SLC8A1: variants seen among roughly 807,000 people sequenced by gnomAD.
SLC8A1 encodes the protein sodium/calcium exchanger 1.
Under a neutral mutation model 68.3 loss-of-function variants are expected in SLC8A1, and 18 were observed. The ratio of observed to expected loss-of-function variants is 0.26; its 90% confidence interval spans 0.18 to 0.39. SLC8A1 has a LOEUF of 0.39. Among genes scored for constraint, SLC8A1 ranks in the 10% least tolerant of loss-of-function variants. SLC8A1 has a pLI of 1.00. For missense variants in SLC8A1, 985 were observed against 1,156.7 expected (o/e 0.85, Z 2.15); for synonymous variants, 475 against 415.5 (o/e 1.14, Z -1.74).
At chr2:40,375,261 T>C (rs1288133030) in intron 2 of SLC8A1, among the ~76,000 whole-genome samples, 1 of 152,108 alleles carries the variant, frequency 6.6e-6, no homozygotes, top group African/African-American at 2.4e-5. Context: ...CAGATATTAG[T>C]ACCTTTGGCT....
intron 2 of SLC8A1, among the ~76,000 whole-genome samples, chr2:40,274,884 C>T (rs887655051): frequency 6.6e-6 from 1 of 152,110 alleles, no homozygotes; most frequent in African/African-American, 2.4e-5. Flanking sequence ...TCGTGTATCA[C>T]TCATGTTGTT....
chr2:40,439,279 G>C (rs910065558), intron 1 of SLC8A1, among the ~76,000 whole-genome samples: 4 of 152,132 alleles, frequency 2.6e-5, no homozygotes, highest in Admixed American at 2.6e-4. Flanking sequence ...AGGTGACAAA[G>C]ACTTAGGATA....
intron 2 of SLC8A1, among the ~76,000 whole-genome samples, chr2:40,380,161 A>G (rs1033687101): frequency 1.3e-5 from 2 of 152,064 alleles, no homozygotes; most frequent in African/African-American, 2.4e-5. Flanking sequence ...CAAGAGGTAA[A>G]CCGAACAAGT....
chr2:40,112,666 A>T (rs1376137942), exon 8 of SLC8A1: 1 of 152,454 alleles, frequency 6.6e-6, no homozygotes, highest in Non-Finnish European at 1.5e-5. Flanking sequence ...CTCAAAAAAA[A>T]AAAAAATAAG....
At chr2:40,149,331 A>T (rs1243026642) in intron 6 of SLC8A1, among the ~76,000 whole-genome samples, 1 of 152,212 alleles carries the variant, frequency 6.6e-6, no homozygotes, top group East Asian at 1.9e-4. Flanking sequence ...TAGAATTTCC[A>T]TTCTGGCAAG....
At chr2:40,403,538 A>C (rs10490046) in intron 2 of SLC8A1, among the ~76,000 whole-genome samples, 42,206 of 152,024 alleles carry the variant, frequency 0.28, 6,140 homozygotes, top group Admixed American at 0.34. Context: ...TGCAGGAGTA[A>C]ATTCAGTAGA....
intron 2 of SLC8A1, among the ~76,000 whole-genome samples, chr2:40,336,137 C>T (rs1044287052): frequency 6.6e-6 from 1 of 152,146 alleles, no homozygotes; most frequent in African/African-American, 2.4e-5. Flanking sequence ...GCTCCATTCC[C>T]CTCTAATCTC....
At chr2:40,206,368 A>G (rs534605098) in intron 2 of SLC8A1, among the ~76,000 whole-genome samples, 1 of 152,056 alleles carries the variant, frequency 6.6e-6, no homozygotes, top group Non-Finnish European at 1.5e-5. Flanking sequence ...TGATCAAGCT[A>G]TTGTCACAAA....
At chr2:40,246,565 C>T (rs1420617473) in intron 2 of SLC8A1, among the ~76,000 whole-genome samples, 1 of 152,204 alleles carries the variant, frequency 6.6e-6, no homozygotes, top group Admixed American at 6.5e-5. Flanking sequence ...GATTCCTGTG[C>T]AGTCAGTTCT....
intron 1 of SLC8A1, among the ~76,000 whole-genome samples, chr2:40,474,745 T>C (rs1402366003): frequency 6.6e-6 from 1 of 152,198 alleles, no homozygotes; most frequent in Non-Finnish European, 1.5e-5. Context: ...TACAGAAATA[T>C]TGAGTAAATC....
At chr2:40,197,191 A>G (rs1234858005) in intron 2 of SLC8A1, among the ~76,000 whole-genome samples, 1 of 151,974 alleles carries the variant, frequency 6.6e-6, no homozygotes, top group Non-Finnish European at 1.5e-5. Flanking sequence ...GCCAGATGAA[A>G]TTATTTTGAG....
chr2:40,116,795 T>A (rs2035522951), intron 7 of SLC8A1: 1 of 152,234 alleles, frequency 6.6e-6, no homozygotes, highest in African/African-American at 2.4e-5. Flanking sequence ...TTACTCATAA[T>A]CCTGACTGTA....
At chr2:40,163,244 G>A (rs374943) in intron 5 of SLC8A1, among the ~76,000 whole-genome samples, 20,391 of 152,078 alleles carry the variant, frequency 0.13, 1,609 homozygotes, top group Admixed American at 0.19. Context: ...GACTGTGCCC[G>A]GCCTTGCTTA....
intron 2 of SLC8A1, among the ~76,000 whole-genome samples, chr2:40,321,451 G>A (rs2075178312): frequency 6.6e-6 from 1 of 152,054 alleles, no homozygotes; most frequent in Non-Finnish European, 1.5e-5. Context: ...AACGCATGGG[G>A]TCTGTGGGTC....
exon 8 of SLC8A1, chr2:40,099,099 T>A (rs77027705): frequency 6.6e-6 from 1 of 152,066 alleles, no homozygotes; most frequent in East Asian, 1.9e-4. Flanking sequence ...GAAGATACTT[T>A]ATGCAAGCAT....
intron 2 of SLC8A1, among the ~76,000 whole-genome samples, chr2:40,372,040 C>T (rs543128764): frequency 6.6e-6 from 1 of 152,220 alleles, no homozygotes; most frequent in Non-Finnish European, 1.5e-5. Flanking sequence ...GGGACAGCTG[C>T]AAAGGCCAAG....
At chr2:40,448,285 G>T (rs1559723476) in intron 1 of SLC8A1, among the ~76,000 whole-genome samples, 1 of 152,068 alleles carries the variant, frequency 6.6e-6, no homozygotes, top group African/African-American at 2.4e-5. Flanking sequence ...GCCAGGGAGA[G>T]AAAGAGAGAA....
chr2:40,286,923 C>G (rs2068414301), intron 2 of SLC8A1, among the ~76,000 whole-genome samples: 1 of 152,170 alleles, frequency 6.6e-6, no homozygotes, highest in Non-Finnish European at 1.5e-5. Context: ...GATGCAACCA[C>G]GACAGGCTGG....
At chr2:40,159,697 C>T (rs2045312828) in intron 6 of SLC8A1, among the ~76,000 whole-genome samples, 1 of 152,144 alleles carries the variant, frequency 6.6e-6, no homozygotes, top group African/African-American at 2.4e-5. Flanking sequence ...ATCCACTCTC[C>T]TGAGCAGTTA....
Sources: gnomAD v4.1 joint callset for allele counts (sites outside exome capture counted in the v4.1 genomes callset) on GRCh38, gnomAD v4.1.1 for gene constraint, MANE v1.5 for transcripts, NCBI Gene and HGNC (gene_info 2026-07-23, HGNC 2026-07-21) for gene names.